Variants in ARMC2 observed in about 807,000 individuals in gnomAD.
ARMC2 encodes armadillo repeat-containing protein 2.
Under a neutral mutation model 90.3 loss-of-function variants are expected in ARMC2, and 67 were observed. The ratio of observed to expected loss-of-function variants is 0.74; its 90% CI spans 0.61 to 0.91. The LOEUF is 0.91. Ranked by LOEUF, ARMC2 falls within the 40% of genes least tolerant of loss-of-function variation. The pLI is 0.00. For synonymous variants in ARMC2, 393 were observed against 393.0 expected, an observed-to-expected ratio of 1.00 and a Z score of 0.00; for missense variants, 920 against 1,030.9, an observed-to-expected ratio of 0.89 and a Z score of 1.47.
At chr6:109,027,882 AGTATC>A in the ARMC2 span, among the ~76,000 whole-genome samples, 51 of 152,152 alleles carry the variant, frequency 3.4e-4, 1 homozygote, top group African/African-American at 1.2e-3. Context: ...ATATTTGTGA[AGTATC>A]AGTTCAAACC....
At chr6:108,918,140 A>G (rs927914788) in intron 10 of ARMC2, among the ~76,000 whole-genome samples, 1 of 152,188 alleles carries the variant, frequency 6.6e-6, no homozygotes, top group African/African-American at 2.4e-5. Flanking sequence ...CAATGAAATT[A>G]CCCAAGGAGA....
At chr6:109,023,946 T>A in the ARMC2 span, among the ~76,000 whole-genome samples, 1 of 152,190 alleles carries the variant, frequency 6.6e-6, no homozygotes, top group Non-Finnish European at 1.5e-5. Flanking sequence ...TGAGTGATTT[T>A]TTTTTCTGTA....
At chr6:108,958,580 A>T (rs188616938) in intron 13 of ARMC2, among the ~76,000 whole-genome samples, 287 of 152,272 alleles carry the variant, frequency 1.9e-3, no homozygotes, top group Non-Finnish European at 2.4e-3. Flanking sequence ...TTCTCCTACC[A>T]AGGCAAGAGA....
At chr6:108,988,070 A>G in the ARMC2 span, among the ~76,000 whole-genome samples, 1 of 152,204 alleles carries the variant, frequency 6.6e-6, no homozygotes, top group African/African-American at 2.4e-5. Flanking sequence ...CTGGGATTAC[A>G]GGTGTGAGCC....
chr6:108,923,536 A>T (rs1043240714), intron 10 of ARMC2, among the ~76,000 whole-genome samples: 2 of 151,014 alleles, frequency 1.3e-5, no homozygotes, highest in Non-Finnish European at 2.9e-5. Context: ...CAAAAGTAGG[A>T]GCAAAATTCA....
rs114178073 is a variant in ARMC2, at chr6:108,873,737, C to T, written c.464-2406C>T. Among the ~76,000 whole-genome samples, 82 of 152,270 alleles carry T rather than the reference C, an allele frequency of 5.4e-4. 1 individual carries two copies. Among genetic ancestry groups the T allele is most frequent in the African/African-American group, 1.9e-3 (80 of 41,538 alleles). On this transcript the variant is annotated intron_variant, in intron 4 of 17. Transcript: ENST00000392644. Reference sequence around the variant, plus strand: ...TGTTCTCTTTTCTTCAAGCTGTTTACGTCTTATTAACCATTCAAAATGCTT... The same window carrying T: ...TGTTCTCTTTTCTTCAAGCTGTTTATGTCTTATTAACCATTCAAAATGCTT...
the ARMC2 span, chr6:108,987,310 G>C: frequency 2.3e-6 from 1 of 437,860 alleles, no homozygotes; most frequent in Non-Finnish European, 4.0e-6. Context: ...CTGTCAAAAA[G>C]CAAAATACTG....
intron 5 of ARMC2, among the ~76,000 whole-genome samples, chr6:108,888,508 A>G (rs1583020093): frequency 2.6e-5 from 4 of 152,382 alleles, no homozygotes; most frequent in Non-Finnish European, 2.9e-5. Flanking sequence ...GAGAAAAAGA[A>G]TAAAGATTTG....
chr6:108,988,808 C>A, the ARMC2 span: 1 of 700,948 alleles, frequency 1.4e-6, no homozygotes, highest in Non-Finnish European at 2.2e-6. Flanking sequence ...GGCAGCTGTC[C>A]CCAAAAATGA....
intron 13 of ARMC2, 50 bp downstream of exon 13, chr6:108,953,401 G>A (rs752097920): frequency 3.3e-6 from 5 of 1,523,422 alleles, no homozygotes; most frequent in South Asian, 1.2e-5. Context: ...ACTTTCCCGC[G>A]GCCCAAAGAC....
At chr6:108,901,398 A>C (rs1583054703) in intron 7 of ARMC2, among the ~76,000 whole-genome samples, 1 of 141,166 alleles carries the variant, frequency 7.1e-6, no homozygotes, top group Non-Finnish European at 1.5e-5. Context: ...TACAGGCATG[A>C]GCCACCGCAC....
chr6:108,946,213 G>A (rs1360774561), intron 12 of ARMC2, among the ~76,000 whole-genome samples: 2 of 152,214 alleles, frequency 1.3e-5, no homozygotes, highest in Admixed American at 6.5e-5. Context: ...AAAGAACTTA[G>A]CACAGTGAAA....
At position 108,890,280 on chromosome 6, in the gene ARMC2, G is replaced by A. The variant is rs899531883; in HGVS notation, c.672-4187G>A. Reference sequence around the variant, plus strand: ...AGATTTTAAACTTCATCAGGGCAATGCCATGCACATTCTTTAGCTCAATAA... The same window carrying A: ...AGATTTTAAACTTCATCAGGGCAATACCATGCACATTCTTTAGCTCAATAA... On this transcript the variant is annotated intron_variant, in intron 5 of 17. Transcript: ENST00000392644. Among the ~76,000 whole-genome samples, 16 of 145,636 alleles carry A rather than the reference G, an allele frequency of 1.1e-4. 1 individual carries two copies. Among genetic ancestry groups the A allele is most frequent in the African/African-American group, 3.1e-4 (12 of 38,818 alleles).
chr6:108,913,133 AT>A (rs1773607395), intron 10 of ARMC2, among the ~76,000 whole-genome samples: 1 of 152,174 alleles, frequency 6.6e-6, no homozygotes, highest in African/African-American at 2.4e-5. Context: ...AGCAGATTAA[AT>A]TTCATAGTTA....
intron 10 of ARMC2, among the ~76,000 whole-genome samples, chr6:108,916,138 A>G (rs1245678464): frequency 6.6e-6 from 1 of 152,156 alleles, no homozygotes; most frequent in East Asian, 1.9e-4. Context: ...TCTTACATAT[A>G]TGTATACGTA....
At chr6:109,030,620 GA>G in the ARMC2 span, among the ~76,000 whole-genome samples, 1 of 151,862 alleles carries the variant, frequency 6.6e-6, no homozygotes, top group African/African-American at 2.4e-5. Context: ...TGTCACAAAG[GA>G]AAAAAATAAG....
At chr6:108,993,314 T>G in the ARMC2 span, among the ~76,000 whole-genome samples, 14 of 152,216 alleles carry the variant, frequency 9.2e-5, no homozygotes, top group East Asian at 7.7e-4. Context: ...ATATGTAACA[T>G]GATCAAAGAA....
At chr6:108,934,519 G>T (rs1453794357) in intron 11 of ARMC2, among the ~76,000 whole-genome samples, 4 of 152,092 alleles carry the variant, frequency 2.6e-5, no homozygotes, top group Admixed American at 2.6e-4. Flanking sequence ...CATAAAATGG[G>T]TTGGGAGGTA....
chr6:108,997,113 A>T, the ARMC2 span, among the ~76,000 whole-genome samples: 1 of 150,768 alleles, frequency 6.6e-6, no homozygotes, highest in African/African-American at 2.4e-5. Context: ...CTAAAGAACA[A>T]GCCATATCAG....
Sources: allele counts gnomAD v4.1 joint callset (sites outside exome capture counted in the v4.1 genomes callset), GRCh38; gene constraint gnomAD v4.1.1; transcripts MANE v1.5; gene names NCBI Gene and HGNC (gene_info 2026-07-23, HGNC 2026-07-21).